Variants in DPP10 observed in about 807,000 individuals in gnomAD.
DPP10 encodes the protein inactive dipeptidyl peptidase 10.
Under a neutral mutation model 120.9 loss-of-function variants are expected in DPP10, and 33 were observed. The observed-to-expected ratio is 0.27, with a 90% confidence interval of 0.21 to 0.37. DPP10 has a LOEUF of 0.37. Ranked by LOEUF, DPP10 falls within the 10% of genes least tolerant of loss-of-function variation. The probability of loss-of-function intolerance (pLI) is 1.00; values close to 1 mark genes in which losing one functional copy is unlikely to be tolerated. For synonymous variants in DPP10, 337 were observed against 326.1 expected, an observed-to-expected ratio of 1.03 and a Z score of -0.36; for missense variants, 816 against 942.8, an observed-to-expected ratio of 0.87 and a Z score of 1.76.
chr2:115,330,360 A>G (rs1302347262), intron 2 of DPP10, among the ~76,000 whole-genome samples: 1 of 151,624 alleles, frequency 6.6e-6, no homozygotes, highest in Admixed American at 6.6e-5. Flanking sequence ...GTAGATTGCA[A>G]AAATTTTCTC....
At chr2:114,480,553 T>C (rs923012551) in intron 1 of DPP10, among the ~76,000 whole-genome samples, 1 of 152,070 alleles carries the variant, frequency 6.6e-6, no homozygotes, top group African/African-American at 2.4e-5. Context: ...TCATGTCCTT[T>C]GTAGGAACAT....
intron 7 of DPP10, among the ~76,000 whole-genome samples, chr2:115,712,096 G>A (rs1489826701): frequency 6.6e-6 from 1 of 151,352 alleles, no homozygotes; most frequent in Non-Finnish European, 1.5e-5. Context: ...TGATTACTAT[G>A]ATTATAACAT....
At chr2:115,745,182 G>C (rs1677794923) in intron 9 of DPP10, among the ~76,000 whole-genome samples, 1 of 150,356 alleles carries the variant, frequency 6.7e-6, no homozygotes. Context: ...TCGCATTGTA[G>C]TTAAGAACAT....
intron 1 of DPP10, among the ~76,000 whole-genome samples, chr2:114,537,497 G>T (rs1248313362): frequency 6.6e-6 from 1 of 152,160 alleles, no homozygotes; most frequent in Non-Finnish European, 1.5e-5. Flanking sequence ...AATAGAGAAG[G>T]GAGACTTTTT....
chr2:115,759,396 TAA>T (rs573763257), intron 11 of DPP10, among the ~76,000 whole-genome samples: 1 of 141,366 alleles, frequency 7.1e-6, no homozygotes, highest in African/African-American at 2.6e-5. Flanking sequence ...CATTTCTATA[TAA>T]AAAAAAAAAA....
intron 1 of DPP10, among the ~76,000 whole-genome samples, chr2:115,030,609 C>G (rs1703772111): frequency 6.6e-6 from 1 of 152,160 alleles, no homozygotes. Flanking sequence ...GATTCATTAG[C>G]TATTTTTCCT....
intron 1 of DPP10, among the ~76,000 whole-genome samples, chr2:115,299,958 TGAA>T: frequency 6.6e-6 from 1 of 152,230 alleles, no homozygotes; most frequent in East Asian, 1.9e-4. Flanking sequence ...AACAGGGATT[TGAA>T]GATTCTCTAC....
At chr2:115,179,259 C>G (rs191409063) in intron 1 of DPP10, among the ~76,000 whole-genome samples, 1 of 152,018 alleles carries the variant, frequency 6.6e-6, no homozygotes, top group Non-Finnish European at 1.5e-5. Flanking sequence ...AACAAATTCC[C>G]TCTATTTTCT....
At chr2:114,980,451 C>T (rs1700010344) in intron 1 of DPP10, among the ~76,000 whole-genome samples, 3 of 151,942 alleles carry the variant, frequency 2.0e-5, no homozygotes, top group Admixed American at 2.0e-4. Flanking sequence ...TGTAAAATTA[C>T]GTTGACACTC....
intron 1 of DPP10, among the ~76,000 whole-genome samples, chr2:115,254,124 C>T (rs1017832398): frequency 6.6e-6 from 1 of 152,184 alleles, no homozygotes; most frequent in African/African-American, 2.4e-5. Context: ...TAAAGACATA[C>T]CTGAGACTGG....
intron 4 of DPP10, among the ~76,000 whole-genome samples, chr2:115,516,292 G>A (rs1475921391): frequency 6.6e-6 from 1 of 152,086 alleles, no homozygotes; most frequent in South Asian, 2.1e-4. Context: ...CACTAAATTG[G>A]ACTTGATTTT....
intron 1 of DPP10, among the ~76,000 whole-genome samples, chr2:114,763,069 A>G (rs1680416696): frequency 6.6e-6 from 1 of 152,088 alleles, no homozygotes; most frequent in African/African-American, 2.4e-5. Flanking sequence ...GGTGAGGATA[A>G]ATTTTCCAGG....
intron 3 of DPP10, among the ~76,000 whole-genome samples, chr2:115,486,047 A>G (rs2075757837): frequency 6.6e-6 from 1 of 152,170 alleles, no homozygotes; most frequent in African/African-American, 2.4e-5. Context: ...ATAAGGGAAC[A>G]TATTAAAATT....
At chr2:115,377,990 G>A (rs980687338) in intron 3 of DPP10, among the ~76,000 whole-genome samples, 1 of 151,826 alleles carries the variant, frequency 6.6e-6, no homozygotes, top group South Asian at 2.1e-4. Flanking sequence ...GTAGTGTGAT[G>A]CCTCCAGCTT....
chr2:114,951,543 T>A (rs1344379084), intron 1 of DPP10, among the ~76,000 whole-genome samples: 1 of 152,200 alleles, frequency 6.6e-6, no homozygotes, highest in African/African-American at 2.4e-5. Flanking sequence ...TAGATATAAA[T>A]CTAAATATTG....
At chr2:114,818,230 T>G (rs1685799794) in intron 1 of DPP10, among the ~76,000 whole-genome samples, 2 of 152,164 alleles carry the variant, frequency 1.3e-5, no homozygotes. Flanking sequence ...ATGAAATCTC[T>G]CTTTAGCCTG....
At chr2:115,069,000 G>A (rs888722412) in intron 1 of DPP10, among the ~76,000 whole-genome samples, 13 of 152,046 alleles carry the variant, frequency 8.6e-5, no homozygotes, top group African/African-American at 2.7e-4. Flanking sequence ...GTAGTATGAT[G>A]CCTTCATCAT....
chr2:115,423,439 G>A (rs537617314), intron 3 of DPP10, among the ~76,000 whole-genome samples: 1 of 152,222 alleles, frequency 6.6e-6, no homozygotes, highest in South Asian at 2.1e-4. Context: ...ACAAAGCCAT[G>A]TTTTATATGA....
At chr2:114,938,310 G>A (rs543206737) in intron 1 of DPP10, among the ~76,000 whole-genome samples, 2 of 152,096 alleles carry the variant, frequency 1.3e-5, no homozygotes, top group African/African-American at 2.4e-5. Context: ...TATAAAAATT[G>A]TTTAGCTAAA....
Sources: gnomAD v4.1 joint callset for allele counts (sites outside exome capture counted in the v4.1 genomes callset) on GRCh38, gnomAD v4.1.1 for gene constraint, MANE v1.5 for transcripts, NCBI Gene and HGNC (gene_info 2026-07-23, HGNC 2026-07-21) for gene names.